CENPW: variants seen among roughly 807,000 people sequenced by gnomAD.
CENPW encodes centromere protein W.
In CENPW, 3 loss-of-function variants were observed where a neutral mutation model predicts 11.1. The ratio of observed to expected loss-of-function variants is 0.27; its 90% CI spans 0.12 to 0.70. The LOEUF (loss-of-function observed/expected upper bound fraction) is 0.70. Among genes scored for constraint, CENPW ranks in the 30% least tolerant of loss-of-function variants. CENPW has a pLI of 0.77. For synonymous variants in CENPW, 38 were observed against 42.0 expected (o/e 0.91, Z 0.37); for missense variants, 100 against 105.6 (o/e 0.95, Z 0.23).
the CENPW span, among the ~76,000 whole-genome samples, chr6:126,387,617 C>T: frequency 4.0e-5 from 6 of 151,762 alleles, no homozygotes; most frequent in East Asian, 1.9e-4. Context: ...ATGAATCAGT[C>T]GATATAATTA....
the CENPW span, among the ~76,000 whole-genome samples, chr6:126,391,744 A>G: frequency 6.6e-6 from 1 of 151,780 alleles, no homozygotes; most frequent in African/African-American, 2.4e-5. Flanking sequence ...TCCCCAGTGT[A>G]TGTTTTTGGC....
the CENPW span, among the ~76,000 whole-genome samples, chr6:126,386,079 C>T: frequency 1.1e-4 from 17 of 152,008 alleles, no homozygotes; most frequent in Non-Finnish European, 5.9e-5. Flanking sequence ...AATTATCCTT[C>T]GGAGTGAGTT....
the CENPW span, among the ~76,000 whole-genome samples, chr6:126,453,678 G>T: frequency 6.6e-6 from 1 of 151,014 alleles, no homozygotes; most frequent in African/African-American, 2.4e-5. Flanking sequence ...GTAATGATAT[G>T]AGGACAAGAT....
At chr6:126,368,139 A>G in the CENPW span, among the ~76,000 whole-genome samples, 17 of 152,296 alleles carry the variant, frequency 1.1e-4, no homozygotes, top group African/African-American at 3.4e-4. Flanking sequence ...CTTTGTGCCT[A>G]TCCCTCTAGT....
chr6:126,440,276 T>A, the CENPW span, among the ~76,000 whole-genome samples: 1 of 151,578 alleles, frequency 6.6e-6, no homozygotes, highest in African/African-American at 2.4e-5. Context: ...GTATAATTCC[T>A]TAAACTCTAA....
the CENPW span, among the ~76,000 whole-genome samples, chr6:126,438,857 C>G: frequency 2.2e-3 from 336 of 151,752 alleles, no homozygotes; most frequent in African/African-American, 7.9e-3. Context: ...AAACAAAATA[C>G]AGCAGTATCA....
At chr6:126,429,050 TACA>T in the CENPW span, among the ~76,000 whole-genome samples, 1 of 152,208 alleles carries the variant, frequency 6.6e-6, no homozygotes, top group Admixed American at 6.5e-5. Flanking sequence ...TTTATGTTTG[TACA>T]ACAATTTATT....
chr6:126,447,172 G>A, the CENPW span, among the ~76,000 whole-genome samples: 33 of 151,248 alleles, frequency 2.2e-4, no homozygotes, highest in African/African-American at 7.2e-4. Flanking sequence ...TAGCTCCAGA[G>A]ATTCAGACTC....
chr6:126,437,177 C>A, the CENPW span, among the ~76,000 whole-genome samples: 1 of 151,794 alleles, frequency 6.6e-6, no homozygotes, highest in African/African-American at 2.4e-5. Context: ...TGGCTCATTT[C>A]TTTTAAGCAG....
chr6:126,384,610 T>C, the CENPW span, among the ~76,000 whole-genome samples: 1 of 152,118 alleles, frequency 6.6e-6, no homozygotes, highest in South Asian at 2.1e-4. Context: ...TGTTACACTA[T>C]ACAAAAATCA....
the CENPW span, among the ~76,000 whole-genome samples, chr6:126,382,734 A>G: frequency 1.1e-4 from 17 of 152,280 alleles, no homozygotes; most frequent in African/African-American, 4.1e-4. Context: ...AGTTAACAAG[A>G]ATAAAAAAAA....
the CENPW span, among the ~76,000 whole-genome samples, chr6:126,400,737 T>C: frequency 6.6e-6 from 1 of 152,074 alleles, no homozygotes; most frequent in Non-Finnish European, 1.5e-5. Context: ...TTTTTTCCTC[T>C]TTATATTTTC....
chr6:126,480,056 G>A, the CENPW span, among the ~76,000 whole-genome samples: 1 of 151,850 alleles, frequency 6.6e-6, no homozygotes, highest in African/African-American at 2.4e-5. Context: ...AACTGTATAA[G>A]GTTTAGTGCA....
the CENPW span, among the ~76,000 whole-genome samples, chr6:126,397,237 A>G: frequency 6.6e-6 from 1 of 152,100 alleles, no homozygotes; most frequent in South Asian, 2.1e-4. Context: ...AACCCCTAGG[A>G]TGGACAATTC....
the CENPW span, among the ~76,000 whole-genome samples, chr6:126,429,577 T>C: frequency 6.6e-6 from 1 of 152,176 alleles, no homozygotes; most frequent in African/African-American, 2.4e-5. Context: ...CCCCAGAAGC[T>C]AAGCAGATGC....
chr6:126,382,386 TC>T, the CENPW span, among the ~76,000 whole-genome samples: 1 of 152,150 alleles, frequency 6.6e-6, no homozygotes, highest in Non-Finnish European at 1.5e-5. Flanking sequence ...AAGCCAGAGT[TC>T]CTTCTTTCCT....
chr6:126,468,420 C>CAAAAAAAAA, the CENPW span, among the ~76,000 whole-genome samples: 1 of 53,514 alleles, frequency 1.9e-5, no homozygotes, highest in Non-Finnish European at 3.2e-5. Flanking sequence ...AACTCTGTCT[C>CAAAAAAAAA]AAAAAAAAAA....
chr6:126,357,899 G>T, the CENPW span, among the ~76,000 whole-genome samples: 6 of 152,208 alleles, frequency 3.9e-5, no homozygotes, highest in African/African-American at 1.4e-4. Context: ...GAGCCACCAC[G>T]CCTGGCCAGT....
At chr6:126,472,311 C>T in the CENPW span, among the ~76,000 whole-genome samples, 1 of 152,170 alleles carries the variant, frequency 6.6e-6, no homozygotes, top group Middle Eastern at 3.2e-3. Context: ...TTGGAATTCT[C>T]TCTGCTCTGG....
Sources: allele counts gnomAD v4.1 joint callset (sites outside exome capture counted in the v4.1 genomes callset), GRCh38; gene constraint gnomAD v4.1.1; transcripts MANE v1.5; gene names NCBI Gene and HGNC (gene_info 2026-07-23, HGNC 2026-07-21).